The following ERAP1 variants were observed in gnomAD, a reference collection of about 807,000 sequenced individuals.
ERAP1 encodes the protein adipocyte-derived leucine aminopeptidase.
In ERAP1, 86 loss-of-function variants were observed where a neutral mutation model predicts 103.7. The observed-to-expected ratio is 0.83, with a 90% CI of 0.70 to 0.99. ERAP1 has a LOEUF of 0.99. Ranked by LOEUF, ERAP1 falls within the 50% of genes least tolerant of loss-of-function variation. The pLI, the probability that ERAP1 is intolerant of heterozygous loss-of-function variation, is 0.00. For synonymous variants in ERAP1, 398 were observed against 402.4 expected (o/e 0.99, Z 0.13); for missense variants, 1,009 against 1,128.4 (o/e 0.89, Z 1.52).
the ERAP1 span, among the ~76,000 whole-genome samples, chr5:96,849,604 A>T: frequency 0.09 from 13,759 of 152,286 alleles, 811 homozygotes; most frequent in Middle Eastern, 0.16. Flanking sequence ...GAAAGAAATT[A>T]AAGAGGACAC....
chr5:96,800,727 A>G, intron 3 of ERAP1, 135 bp downstream of exon 3: 1 of 949,898 alleles, frequency 1.1e-6, no homozygotes, highest in South Asian at 1.4e-5. Flanking sequence ...CATAGGTTAT[A>G]AATGAAAAGT....
At chr5:96,778,873 G>T (rs1033364229) in intron 18 of ERAP1, among the ~76,000 whole-genome samples, 1 of 152,128 alleles carries the variant, frequency 6.6e-6, no homozygotes, top group Non-Finnish European at 1.5e-5. Flanking sequence ...TAGATGTCTG[G>T]GGAAGAAAGG....
chr5:96,872,335 C>CAAAAAAAAAAAAAAAAAA, the ERAP1 span, among the ~76,000 whole-genome samples: 1 of 127,430 alleles, frequency 7.8e-6, no homozygotes. Flanking sequence ...GACCCTGTCT[C>CAAAAAAAAAAAAAAAAAA]AAAAAAAAAA....
chr5:96,763,322 C>G, intron 19 of ERAP1: 1 of 773,578 alleles, frequency 1.3e-6, no homozygotes, highest in Non-Finnish European at 2.4e-6. Flanking sequence ...TAATAAAGCA[C>G]TTAAAACCAG....
chr5:96,871,951 C>T, the ERAP1 span, among the ~76,000 whole-genome samples: 2 of 152,056 alleles, frequency 1.3e-5, no homozygotes, highest in East Asian at 3.9e-4. Context: ...ATTTCCCCTC[C>T]CTACCCCCAT....
the ERAP1 span, among the ~76,000 whole-genome samples, chr5:96,930,616 C>T: frequency 6.6e-6 from 1 of 152,176 alleles, no homozygotes; most frequent in Non-Finnish European, 1.5e-5. Flanking sequence ...TTGTGAACCT[C>T]ATCATTCCTC....
chr5:96,853,212 T>C, the ERAP1 span, among the ~76,000 whole-genome samples: 2 of 152,146 alleles, frequency 1.3e-5, no homozygotes, highest in African/African-American at 4.8e-5. Context: ...TCCAAAAACC[T>C]ACTGACAAAG....
the ERAP1 span, chr5:96,913,241 A>C: frequency 8.7e-7 from 1 of 1,148,714 alleles, no homozygotes; most frequent in Admixed American, 2.5e-5. Flanking sequence ...TATTCTTTTA[A>C]TATATTGGTG....
the ERAP1 span, among the ~76,000 whole-genome samples, chr5:96,856,979 G>A: frequency 6.6e-6 from 1 of 152,090 alleles, no homozygotes; most frequent in Non-Finnish European, 1.5e-5. Flanking sequence ...CCTCAGTTGG[G>A]CTCCTACCTC....
At chr5:96,885,370 C>A in the ERAP1 span, among the ~76,000 whole-genome samples, 3 of 152,120 alleles carry the variant, frequency 2.0e-5, no homozygotes, top group Non-Finnish European at 4.4e-5. Flanking sequence ...AAAATGGAGA[C>A]GGTTGTTGGG....
chr5:96,892,316 G>A, the ERAP1 span: 2 of 1,613,830 alleles, frequency 1.2e-6, no homozygotes, highest in African/African-American at 1.3e-5. Flanking sequence ...TGCTATTCCT[G>A]ACTTTGCACC....
the ERAP1 span, chr5:96,886,645 C>T: frequency 6.7e-7 from 1 of 1,494,398 alleles, no homozygotes; most frequent in Non-Finnish European, 9.1e-7. Context: ...ATTCCTTTTC[C>T]TTTCTGTAGG....
the ERAP1 span, among the ~76,000 whole-genome samples, chr5:96,891,462 CATATACAGGTATATAT>C: frequency 1.4e-5 from 2 of 145,018 alleles, no homozygotes; most frequent in African/African-American, 5.2e-5. Flanking sequence ...CACACACACA[CATATACAGGTATATAT>C]ATATATGTGT....
chr5:96,823,061 C>T, the ERAP1 span: 1 of 456,308 alleles, frequency 2.2e-6, no homozygotes, highest in Non-Finnish European at 4.4e-6. Flanking sequence ...AGGCCGCCCT[C>T]ATCTCCTAGA....
the ERAP1 span, among the ~76,000 whole-genome samples, chr5:96,910,746 T>C: frequency 6.6e-6 from 1 of 152,228 alleles, no homozygotes; most frequent in Non-Finnish European, 1.5e-5. Context: ...GTTGGTTTTT[T>C]CTAAACTCCA....
the ERAP1 span, among the ~76,000 whole-genome samples, chr5:96,925,240 C>T: frequency 6.6e-6 from 1 of 152,188 alleles, no homozygotes; most frequent in Non-Finnish European, 1.5e-5. Flanking sequence ...TTGTGCCAGT[C>T]TCTGTTCTAA....
At chr5:96,813,864 T>C in the ERAP1 span, among the ~76,000 whole-genome samples, 1 of 152,168 alleles carries the variant, frequency 6.6e-6, no homozygotes, top group Admixed American at 6.5e-5. Context: ...ATAATGTTTT[T>C]TTAGTGAATC....
Position 96,776,270 on chromosome 5 carries a change from CA to C in ERAP1, c.*125del. On this transcript the variant is annotated 3_prime_UTR_variant, in exon 19 of 19. Transcript: ENST00000443439. ...CAGCTATTCTTTTCACAGGGATAGT[CA>C]AAAAATGAGTTGAAGGGAAAAAAGT... 6.6e-7 allele frequency: 1 copy of C among 1,505,976 alleles called. No individual in the cohort carries two copies. The highest frequency in any genetic ancestry group is 8.9e-7 in the Non-Finnish European group (1 of 1,128,248). 93.3% of individuals were successfully genotyped at this position (1,505,976 alleles called of 1,614,324 possible).
the ERAP1 span, among the ~76,000 whole-genome samples, chr5:96,836,985 T>C: frequency 6.6e-6 from 1 of 152,188 alleles, no homozygotes; most frequent in African/African-American, 2.4e-5. Flanking sequence ...TTCATACATA[T>C]TTCTGTTTCA....
Sources: allele counts gnomAD v4.1 joint callset (sites outside exome capture counted in the v4.1 genomes callset), GRCh38; gene constraint gnomAD v4.1.1; transcripts MANE v1.5; gene names NCBI Gene and HGNC (gene_info 2026-07-23, HGNC 2026-07-21).